Variants in MAGI1 observed in about 807,000 individuals in gnomAD.
MAGI1 encodes the protein membrane-associated guanylate kinase, WW and PDZ domain-containing protein 1.
MAGI1 carries 58 observed loss-of-function variants against 139.9 expected under a neutral mutation model. The ratio of observed to expected loss-of-function variants is 0.41; its 90% CI spans 0.34 to 0.52. The LOEUF is 0.52. Among genes scored for constraint, MAGI1 ranks in the 20% least tolerant of loss-of-function variants. The pLI is 0.12. For synonymous variants in MAGI1, 812 were observed against 737.9 expected (o/e 1.10, Z -1.63); for missense variants, 1,874 against 1,901.6 (o/e 0.99, Z 0.27).
chr3:65,437,189 G>A lies in MAGI1; in HGVS notation c.1329C>T (p.Ser443=). The change falls in exon 10 of 23, where the codon AGC becomes AGT. Residue 443 remains serine (S), a synonymous_variant. Coordinates refer to ENST00000402939, the MANE Select transcript of MAGI1 (RefSeq NM_001033057.2). ...VPPVIPNHPP[S]NPEPAREVPL... ...GAACTTCTCTGGCTGGCTCTGGATT[G>A]CTTGGAGGGTGGTTTGGAATAACAG... 2.5e-6 allele frequency: 4 copies of A among 1,611,840 alleles called. No individual in the cohort carries two copies. The highest frequency in any genetic ancestry group is 3.4e-6 in the Non-Finnish European group (4 of 1,178,146).
chr3:65,977,453 G>A (rs1379718536), intron 1 of MAGI1, among the ~76,000 whole-genome samples: 1 of 152,136 alleles, frequency 6.6e-6, no homozygotes, highest in Non-Finnish European at 1.5e-5. Flanking sequence ...GTTCATGCCT[G>A]TAATCCCAGC....
intron 1 of MAGI1, among the ~76,000 whole-genome samples, chr3:65,741,516 T>C (rs1264216113): frequency 6.6e-6 from 1 of 152,226 alleles, no homozygotes; most frequent in East Asian, 1.9e-4. Flanking sequence ...TGAGCACATT[T>C]GATGAAATAA....
intron 1 of MAGI1, among the ~76,000 whole-genome samples, chr3:66,000,029 G>C (rs1391947111): frequency 1.4e-5 from 2 of 141,556 alleles, no homozygotes; most frequent in Non-Finnish European, 3.0e-5. Context: ...CTGGAGTGCA[G>C]TGGCGCGAAC....
intron 1 of MAGI1, among the ~76,000 whole-genome samples, chr3:65,869,911 T>C (rs1327831757): frequency 6.6e-6 from 1 of 151,690 alleles, no homozygotes; most frequent in African/African-American, 2.4e-5. Flanking sequence ...CGTGGCCCAG[T>C]GCTGGCACGC....
intron 1 of MAGI1, among the ~76,000 whole-genome samples, chr3:66,024,968 T>C (rs920719587): frequency 1.3e-5 from 2 of 152,114 alleles, no homozygotes; most frequent in Non-Finnish European, 2.9e-5. Context: ...ATATATTCTC[T>C]GGGGGGGTAA....
chr3:65,444,069 G>C (rs1474113160), intron 7 of MAGI1, among the ~76,000 whole-genome samples: 1 of 152,262 alleles, frequency 6.6e-6, no homozygotes, highest in Admixed American at 6.5e-5. Context: ...TAATTTCATA[G>C]TTTTTGCTCC....
At chr3:65,597,839 A>G (rs2082290441) in intron 2 of MAGI1, 1 of 454,756 alleles carries the variant, frequency 2.2e-6, no homozygotes, top group South Asian at 1.6e-5. Flanking sequence ...CCAATCGCCA[A>G]GATTAATCCT....
At chr3:65,582,651 C>T (rs1415000060) in intron 2 of MAGI1, among the ~76,000 whole-genome samples, 1 of 152,144 alleles carries the variant, frequency 6.6e-6, no homozygotes, top group Non-Finnish European at 1.5e-5. Flanking sequence ...GCAGGGATTT[C>T]CCTTTGCATC....
At chr3:65,642,857 T>C (rs753673532) in intron 1 of MAGI1, among the ~76,000 whole-genome samples, 13 of 152,336 alleles carry the variant, frequency 8.5e-5, no homozygotes, top group African/African-American at 1.2e-4. Flanking sequence ...AATTAAATCA[T>C]ACTTAGTGCT....
intron 5 of MAGI1, among the ~76,000 whole-genome samples, chr3:65,456,561 C>G (rs959102326): frequency 6.6e-6 from 1 of 152,062 alleles, no homozygotes; most frequent in African/African-American, 2.4e-5. Context: ...TTTTCTTTCT[C>G]AGGGATCTTG....
At chr3:66,020,149 A>G (rs1400587811) in intron 1 of MAGI1, among the ~76,000 whole-genome samples, 1 of 152,158 alleles carries the variant, frequency 6.6e-6, no homozygotes, top group Non-Finnish European at 1.5e-5. Context: ...TGCAAATAAG[A>G]GCCATCTTGG....
At chr3:65,378,834 A>G (rs1168615741) in intron 17 of MAGI1, among the ~76,000 whole-genome samples, 1 of 151,872 alleles carries the variant, frequency 6.6e-6, no homozygotes, top group Non-Finnish European at 1.5e-5. Flanking sequence ...GGCATGCACT[A>G]CCACGCCCAG....
intron 7 of MAGI1, among the ~76,000 whole-genome samples, chr3:65,446,268 CAT>C (rs1948666723): frequency 6.6e-6 from 1 of 152,148 alleles, no homozygotes; most frequent in African/African-American, 2.4e-5. Flanking sequence ...TAAGTCACCT[CAT>C]AAGCACCATG....
At chr3:65,722,177 A>G (rs1243472599) in intron 1 of MAGI1, among the ~76,000 whole-genome samples, 1 of 152,092 alleles carries the variant, frequency 6.6e-6, no homozygotes, top group Non-Finnish European at 1.5e-5. Flanking sequence ...GAATATTTCT[A>G]CTTTGAATAT....
Position 65,526,753 on chromosome 3 carries a change from T to C in MAGI1, c.431-33122A>G. ...TACAGGCCTGACTCTTTCAGTGCTA[T>C]GATGGGAGCATTCCCTCAACTGACA... is the stretch of plus-strand genomic sequence containing the variant. On this transcript the variant is annotated intron_variant, in intron 2 of 22. Transcript: ENST00000402939. Among the ~76,000 whole-genome samples the C allele has an allele frequency of 1.3e-5, 2 of 152,176 alleles. 1 individual carries two copies.
intron 1 of MAGI1, among the ~76,000 whole-genome samples, chr3:65,984,549 T>TGTGA (rs1365094861): frequency 2.8e-5 from 4 of 143,462 alleles, no homozygotes; most frequent in African/African-American, 7.6e-5. Context: ...TGTGTGTGTG[T>TGTGA]GACAGGGTCT....
At chr3:65,814,151 T>C (rs1452545876) in intron 1 of MAGI1, among the ~76,000 whole-genome samples, 2 of 152,116 alleles carry the variant, frequency 1.3e-5, no homozygotes, top group Non-Finnish European at 1.5e-5. Flanking sequence ...GGGTCTTTAG[T>C]AGCTGCTAAA....
chr3:65,365,225 C>A, intron 18 of MAGI1: 2 of 619,918 alleles, frequency 3.2e-6, no homozygotes, highest in South Asian at 1.4e-5. Context: ...AAAATTCTAG[C>A]CAAGGTATAT....
At chr3:65,626,664 A>T (rs1241395154) in intron 1 of MAGI1, among the ~76,000 whole-genome samples, 6 of 152,128 alleles carry the variant, frequency 3.9e-5, no homozygotes, top group African/African-American at 1.4e-4. Flanking sequence ...TTTACACCTA[A>T]GCTTATATTC....
Sources: gnomAD v4.1 joint callset for allele counts (sites outside exome capture counted in the v4.1 genomes callset) on GRCh38, gnomAD v4.1.1 for gene constraint, MANE v1.5 for transcripts, NCBI Gene and HGNC (gene_info 2026-07-23, HGNC 2026-07-21) for gene names.